Variants in ASAP1 observed in about 807,000 individuals in gnomAD.
The protein encoded by ASAP1 is arf-GAP with SH3 domain, ANK repeat and PH domain-containing protein 1.
A neutral mutation model predicts 145.2 loss-of-function variants in ASAP1; 43 were observed. The ratio of observed to expected loss-of-function variants is 0.30; its 90% confidence interval spans 0.23 to 0.38. The LOEUF (loss-of-function observed/expected upper bound fraction) is 0.38. Among genes scored for constraint, ASAP1 ranks in the 10% least tolerant of loss-of-function variants. The pLI is 1.00. For missense variants in ASAP1, 1,018 were observed against 1,355.3 expected (o/e 0.75, Z 3.91); for synonymous variants, 546 against 515.5 (o/e 1.06, Z -0.80).
chr8:130,412,894 T>C (rs1829326763), intron 1 of ASAP1, among the ~76,000 whole-genome samples: 1 of 152,156 alleles, frequency 6.6e-6, no homozygotes. Flanking sequence ...TCCACCCACC[T>C]CGGCCTCCCA....
intron 9 of ASAP1, 57 bp from the exon 10 acceptor site, chr8:130,169,124 T>C (rs1318031195): frequency 3.6e-6 from 4 of 1,106,398 alleles, no homozygotes; most frequent in Non-Finnish European, 5.3e-6. Context: ...GAGTATTTGT[T>C]TCCTTATGTG....
intron 12 of ASAP1, among the ~76,000 whole-genome samples, chr8:130,158,757 T>G (rs1253700822): frequency 1.3e-5 from 2 of 151,852 alleles, no homozygotes; most frequent in Non-Finnish European, 2.9e-5. Context: ...TTTTTTTTTT[T>G]GTCTCGCACT....
intron 3 of ASAP1, among the ~76,000 whole-genome samples, chr8:130,259,270 C>G (rs949927906): frequency 3.3e-5 from 5 of 152,320 alleles, no homozygotes; most frequent in African/African-American, 1.2e-4. Flanking sequence ...TTGCTCCCAA[C>G]AAGCTTTAAA....
chr8:130,353,775 G>A (rs1407107674), intron 3 of ASAP1, among the ~76,000 whole-genome samples: 1 of 152,204 alleles, frequency 6.6e-6, no homozygotes, highest in Non-Finnish European at 1.5e-5. Context: ...GGAGGCAGAG[G>A]TGAGAGAATT....
chr8:130,188,740 A>G (rs968500218), intron 5 of ASAP1, among the ~76,000 whole-genome samples: 13 of 146,584 alleles, frequency 8.9e-5, no homozygotes, highest in African/African-American at 2.5e-4. Context: ...AAAAAAAAAA[A>G]AAAAAGAAAA....
At position 130,358,122 on chromosome 8, in the gene ASAP1, G is replaced by T. The variant is rs773658025; in HGVS notation, c.81C>A (p.Val27=). 4 of 1,608,452 alleles carry T rather than the reference G, an allele frequency of 2.5e-6. No individual in the cohort carries two copies. The Admixed American group carries it at 6.7e-5, about 27-fold the overall frequency. ...CGGTGGTCTCGGCGATGAACTCCGA[G>T]ACAGAGATCTGGTCCGGCATCCTGC... ...LWNRMPDQIS[V]SEFIAETTED... is the part of the protein sequence containing the mutation. The change falls in exon 3 of 30, where the codon GTC becomes GTA. Residue 27 remains valine, a synonymous_variant. Transcript: ENST00000518721. This position sits in a 1 kb window ranked among gnomAD's most constrained non-coding sequence, Gnocchi z 4.1.
chr8:130,374,641 C>T (rs1386465334), intron 2 of ASAP1, among the ~76,000 whole-genome samples: 1 of 152,220 alleles, frequency 6.6e-6, no homozygotes, highest in Non-Finnish European at 1.5e-5. Context: ...CCCAGCTCAG[C>T]GAACTGGCAT....
chr8:130,118,280 T>C, intron 19 of ASAP1, 34 bp from the exon 20 acceptor site: 4 of 1,597,560 alleles, frequency 2.5e-6, no homozygotes, highest in Non-Finnish European at 3.4e-6. Context: ...AGTAAGTCAA[T>C]AATATGCTCT....
intron 13 of ASAP1, among the ~76,000 whole-genome samples, chr8:130,138,231 C>A (rs916897342): frequency 1.4e-4 from 22 of 152,200 alleles, no homozygotes; most frequent in African/African-American, 5.1e-4. Flanking sequence ...ATTTATCTTC[C>A]TGTGCTCTCT....
chr8:130,358,730 C>CCCCCGGCCCGGCCCCCG lies in ASAP1; in HGVS notation c.60-604_60-588dup, dbSNP rs1167836702. ...CCGGTCCCTCCCCGCCCGCGCCCCG[C>CCCCCGGCCCGGCCCCCG]CCCCGGCCCGGCCCCCGCCCCGCCC... On this transcript the variant is annotated intron_variant, in intron 2 of 29. Transcript: ENST00000518721. This position sits in a 1 kb window ranked among gnomAD's most constrained non-coding sequence, Gnocchi z 4.1. 1.4e-5 allele frequency among the ~76,000 whole-genome samples: 2 copies of CCCCCGGCCCGGCCCCCG among 139,758 alleles called. No homozygotes were observed. Among genetic ancestry groups the CCCCCGGCCCGGCCCCCG allele is most frequent in the East Asian group, 4.2e-4 (2 of 4,706 alleles). 91.7% of individuals were successfully genotyped at this position (139,758 alleles called of 152,430 possible).
chr8:130,062,450 G>A (rs1001156419), intron 27 of ASAP1, among the ~76,000 whole-genome samples: 2 of 152,208 alleles, frequency 1.3e-5, no homozygotes, highest in African/African-American at 2.4e-5. Flanking sequence ...TTCTGCTGAG[G>A]TGGCTTGGCT....
chr8:130,192,483 T>A (rs376357537), intron 5 of ASAP1, among the ~76,000 whole-genome samples: 1 of 152,164 alleles, frequency 6.6e-6, no homozygotes, highest in Non-Finnish European at 1.5e-5. Context: ...TCTACACAGA[T>A]AGCTGAAATA....
intron 5 of ASAP1, among the ~76,000 whole-genome samples, chr8:130,211,726 A>AT (rs1816594199): frequency 6.6e-6 from 1 of 152,078 alleles, no homozygotes; most frequent in African/African-American, 2.4e-5. Context: ...AGAAAATGAC[A>AT]TTTTTTAGTA....
At chr8:130,408,585 A>C (rs563596509) in intron 1 of ASAP1, among the ~76,000 whole-genome samples, 1 of 152,298 alleles carries the variant, frequency 6.6e-6, no homozygotes, top group South Asian at 2.1e-4. Context: ...ATCAGCCTCC[A>C]TAATCAATTC....
At chr8:130,128,155 T>C in intron 15 of ASAP1, 65 bp from the exon 16 acceptor site, 1 of 952,016 alleles carries the variant, frequency 1.1e-6, no homozygotes. Flanking sequence ...TTTTTTTTTT[T>C]TTTTTTTTTG....
chr8:130,276,728 A>ACTCTCT (rs10678909), intron 3 of ASAP1, among the ~76,000 whole-genome samples: 165 of 87,308 alleles, frequency 1.9e-3, no homozygotes, highest in East Asian at 7.9e-3. Context: ...ACACACACAC[A>ACTCTCT]CTCTCTCTCT....
chr8:130,301,505 T>G (rs893324795), intron 3 of ASAP1, among the ~76,000 whole-genome samples: 6 of 152,228 alleles, frequency 3.9e-5, no homozygotes, highest in African/African-American at 1.4e-4. Context: ...CCATATATAG[T>G]GGTTGAATGA....
In ASAP1 at chr8:130,358,601, C is replaced by T. The variant is rs1586903428; in HGVS notation, c.60-458G>A. On this transcript the variant is annotated intron_variant, in intron 2 of 29. Coordinates refer to ENST00000518721, the MANE Select transcript of ASAP1 (RefSeq NM_018482.4). The surrounding 1 kb of genome is among the most constrained non-coding windows in gnomAD (Gnocchi z 4.1). ...CGGCGCGGGCCTGACTGACTGAGCG[C>T]ACACTCCCGCGGCGGGCGGGCGGGC... is the stretch of plus-strand genomic sequence containing the variant. Among the ~76,000 whole-genome samples the T allele has an allele frequency of 6.8e-6, 1 of 146,636 alleles. No homozygotes were observed. Among genetic ancestry groups the T allele is most frequent in the Non-Finnish European group, 1.5e-5 (1 of 65,914 alleles).
intron 4 of ASAP1, among the ~76,000 whole-genome samples, chr8:130,223,533 A>C (rs1817416360): frequency 6.6e-6 from 1 of 152,214 alleles, no homozygotes; most frequent in African/African-American, 2.4e-5. Flanking sequence ...ATATAAGATG[A>C]CTGTGGATCA....
Sources: gnomAD v4.1 joint callset for allele counts (sites outside exome capture counted in the v4.1 genomes callset) on GRCh38, gnomAD v4.1.1 for gene constraint, Gnocchi (gnomAD v3.1) non-coding constraint, MANE v1.5 for transcripts, NCBI Gene and HGNC (gene_info 2026-07-23, HGNC 2026-07-21) for gene names.